SETD2: variants seen among roughly 807,000 people sequenced by gnomAD.
The protein encoded by SETD2 is SET domain containing 2, histone lysine methyltransferase.
A neutral mutation model predicts 242.1 loss-of-function variants in SETD2; 31 were observed. The observed-to-expected ratio is 0.13, with a 90% CI of 0.10 to 0.17. The LOEUF is 0.17. Ranked by LOEUF, SETD2 falls within the 10% of genes least tolerant of loss-of-function variation. The probability of loss-of-function intolerance (pLI) is 1.00; values close to 1 mark genes in which losing one functional copy is unlikely to be tolerated. For synonymous variants in SETD2, 1,006 were observed against 1,066.5 expected (o/e 0.94, Z 1.11); for missense variants, 2,481 against 3,046.3 (o/e 0.81, Z 4.37).
Position 47,123,691 on chromosome 3 carries a change from T to G in SETD2, c.945A>C (p.Glu315Asp). The G allele has an allele frequency of 1.3e-6, 2 of 1,551,442 alleles. No individual in the cohort carries two copies. Among genetic ancestry groups the G allele is most frequent in the Non-Finnish European group, 1.7e-6 (2 of 1,146,958 alleles). ...TGSKKKSSQS[E>D]GIFLGSESDE... is the part of the protein sequence containing the mutation. The stretch of plus-strand genomic sequence containing the variant: ...CAGATTCTGAACCAAGAAAGATGCC[T>G]TCAGATTGTGAGGATTTCTTCTTAG... The change falls in exon 3 of 21, where the codon GAA becomes GAC. Residue 315 changes from glutamate to aspartate, a missense_variant. Coordinates refer to ENST00000409792, the MANE Select transcript of SETD2 (RefSeq NM_014159.7).
At chr3:47,159,506 A>G (rs1470358208) in intron 1 of SETD2, among the ~76,000 whole-genome samples, 1 of 152,098 alleles carries the variant, frequency 6.6e-6, no homozygotes, top group Non-Finnish European at 1.5e-5. Context: ...TTATATTACC[A>G]TCTTGGTACT....
intron 17 of SETD2, among the ~76,000 whole-genome samples, chr3:47,039,143 G>C (rs1012717327): frequency 6.6e-6 from 1 of 151,994 alleles, no homozygotes; most frequent in African/African-American, 2.4e-5. Context: ...ATACATGTCT[G>C]TTCTTAGCTA....
chr3:47,104,710 G>A (rs1440777663), intron 6 of SETD2, among the ~76,000 whole-genome samples: 1 of 152,182 alleles, frequency 6.6e-6, no homozygotes, highest in African/African-American at 2.4e-5. Context: ...TAGGCTAACT[G>A]ATACTAAACA....
chr3:47,071,690 A>C (rs35647249), intron 12 of SETD2, among the ~76,000 whole-genome samples: 2 of 152,078 alleles, frequency 1.3e-5, no homozygotes, highest in African/African-American at 4.8e-5. Flanking sequence ...AAAAAAAAAA[A>C]CAAATAAAAG....
At chr3:47,037,626 T>C in intron 18 of SETD2, 40 bp downstream of exon 18, 1 of 1,503,270 alleles carries the variant, frequency 6.7e-7, no homozygotes, top group South Asian at 1.1e-5. Flanking sequence ...TTGGACGGAC[T>C]CCCAAATGAT....
chr3:47,017,017 C>T lies in SETD2; in HGVS notation c.*76G>A. 2 of 1,431,448 alleles carry T rather than the reference C, an allele frequency of 1.4e-6. No individual in the cohort carries two copies. The highest frequency in any genetic ancestry group is 2.0e-6 in the Non-Finnish European group (2 of 1,024,578). The allele number at this position is 1,431,448 out of a possible 1,614,324, so 88.7% of individuals were successfully genotyped here. Reference sequence around the variant, plus strand: ...TAGCACAGTGCTGACAGGGGTGGGACAGAAAGGCCCACAGGATTTCCTCTC... The same window carrying T: ...TAGCACAGTGCTGACAGGGGTGGGATAGAAAGGCCCACAGGATTTCCTCTC... On this transcript the variant is annotated 3_prime_UTR_variant, in exon 21 of 21. Transcript: ENST00000409792. This position sits in a 1 kb window ranked among gnomAD's most constrained non-coding sequence, Gnocchi z 4.8.
chr3:47,161,118 CT>C (rs1212959696), intron 1 of SETD2, among the ~76,000 whole-genome samples: 1 of 152,154 alleles, frequency 6.6e-6, no homozygotes, highest in African/African-American at 2.4e-5. Flanking sequence ...CATTTCTCCC[CT>C]GAGCCATGTT....
chr3:47,131,931 C>T (rs988669058), intron 1 of SETD2, among the ~76,000 whole-genome samples: 6 of 151,776 alleles, frequency 4.0e-5, no homozygotes, highest in African/African-American at 1.5e-4. Flanking sequence ...GCGCGAGCCA[C>T]CGTGCCCAGC....
At chr3:47,040,404 C>A (rs1247266909) in intron 17 of SETD2, among the ~76,000 whole-genome samples, 2 of 152,056 alleles carry the variant, frequency 1.3e-5, no homozygotes, top group African/African-American at 4.8e-5. Flanking sequence ...AAATCTAACA[C>A]TGGACAGAAA....
rs2038002869 is a variant in SETD2, at chr3:47,016,845, G to A, written c.*248C>T. The A allele has an allele frequency of 2.1e-6, 1 of 480,866 alleles. No homozygotes were observed. The highest frequency in any genetic ancestry group is 3.7e-6 in the Non-Finnish European group (1 of 268,292). 29.8% of individuals were successfully genotyped at this position (480,866 alleles called of 1,614,324 possible). ...TAAGAGTGGAGTCAGGTCTGGCCAG[G>A]GTCTTTTCTAAGCCCTTGCACCTCT... is the stretch of plus-strand genomic sequence containing the variant. On this transcript the variant is annotated 3_prime_UTR_variant, in exon 21 of 21. Coordinates refer to ENST00000409792, the MANE Select transcript of SETD2 (RefSeq NM_014159.7).
Position 47,112,342 on chromosome 3 carries a change from C to T in SETD2, c.4715+1534G>A, listed in dbSNP as rs148762334. On this transcript the variant is annotated intron_variant, in intron 5 of 20. Coordinates refer to ENST00000409792, the MANE Select transcript of SETD2 (RefSeq NM_014159.7). ...TGTCACCCAGGATGGAGTACAATGG[C>T]GCAATCTCGGCTCACTGCAACCTTC... 1.9e-3 allele frequency among the ~76,000 whole-genome samples: 286 copies of T among 152,176 alleles called. 2 individuals carry two copies. Among genetic ancestry groups the T allele is most frequent in the African/African-American group, 6.6e-3 (273 of 41,524 alleles).
intron 15 of SETD2, among the ~76,000 whole-genome samples, chr3:47,053,510 CCT>C (rs1019313084): frequency 1.3e-5 from 2 of 152,078 alleles, no homozygotes; most frequent in African/African-American, 4.8e-5. Context: ...AATTACGTGA[CCT>C]CTGTTAAAAT....
At chr3:47,022,855 C>A (rs2038293045) in intron 18 of SETD2, among the ~76,000 whole-genome samples, 1 of 152,222 alleles carries the variant, frequency 6.6e-6, no homozygotes, top group Middle Eastern at 3.2e-3. Flanking sequence ...CTTTATATTA[C>A]CCAAGGTGAA....
At chr3:47,148,752 A>G (rs1453609107) in intron 1 of SETD2, among the ~76,000 whole-genome samples, 1 of 152,222 alleles carries the variant, frequency 6.6e-6, no homozygotes, top group Non-Finnish European at 1.5e-5. Flanking sequence ...CGACTTACAT[A>G]CAAGTTTCTT....
At position 47,121,860 on chromosome 3, in the gene SETD2, T is replaced by C. The variant is rs1167396235; in HGVS notation, c.2776A>G (p.Lys926Glu). ...CTACCTACTTCTACTATTGTTTCTT[T>C]CCCTGCATGCTTTAAAAACTCTGAA... ...KSSEFLKHAG[K>E]ETIVEVGSDL... The change falls in exon 3 of 21, where the codon AAA becomes GAA. Residue 926 changes from lysine (K) to glutamate (E), a missense_variant. Physicochemically the swap from Lys to Glu is moderately conservative, Grantham distance 56 (BLOSUM62 1). This residue lies in a region of SETD2 where 1,300 missense variants were observed against 1,259.2 expected (regional missense o/e 1.03). Transcript: ENST00000409792. 1 of 1,614,060 alleles carries C rather than the reference T, an allele frequency of 6.2e-7. No individual in the cohort carries two copies. Among genetic ancestry groups the C allele is most frequent in the Admixed American group, 1.7e-5 (1 of 60,012 alleles).
At chr3:47,027,345 A>AG (rs2038534962) in intron 18 of SETD2, among the ~76,000 whole-genome samples, 1 of 43,350 alleles carries the variant, frequency 2.3e-5, no homozygotes, top group African/African-American at 4.5e-5. Flanking sequence ...TCAAAAAAAA[A>AG]AAAAAAAAAA....
At position 47,084,058 on chromosome 3, in the gene SETD2, C is replaced by G; in HGVS notation, c.5722G>C (p.Asp1908His). ...SELEGKDGKE[D>H]LDQLENVPVE... Reference sequence around the variant, plus strand: ...GGGACATTTTCTAATTGATCAAGATCCTCTTTGCCATCCTTGCCTTCTAGC... The same window carrying G: ...GGGACATTTTCTAATTGATCAAGATGCTCTTTGCCATCCTTGCCTTCTAGC... The change falls in exon 12 of 21, where the codon GAT becomes CAT. Residue 1908 changes from aspartate to histidine, a missense_variant. Transcript: ENST00000409792. 6.2e-7 allele frequency: 1 copy of G among 1,614,148 alleles called. No homozygotes were observed.
chr3:47,088,688 ATATGT>A (rs1476185479), intron 9 of SETD2, among the ~76,000 whole-genome samples: 2 of 152,160 alleles, frequency 1.3e-5, no homozygotes, highest in African/African-American at 4.8e-5. Flanking sequence ...TATATAATTT[ATATGT>A]TATAATATAT....
intron 1 of SETD2, among the ~76,000 whole-genome samples, chr3:47,144,034 T>G (rs138109241): frequency 6.6e-6 from 1 of 151,844 alleles, no homozygotes; most frequent in Non-Finnish European, 1.5e-5. Flanking sequence ...CTTAAGAAAA[T>G]GCAGTTGTCC....
Sources: gnomAD v4.1 joint callset for allele counts (sites outside exome capture counted in the v4.1 genomes callset) on GRCh38, gnomAD v4.1.1 for gene constraint, gnomAD v4.1.1 regional missense constraint, Gnocchi (gnomAD v3.1) non-coding constraint, MANE v1.5 for transcripts, NCBI Gene and HGNC (gene_info 2026-07-23, HGNC 2026-07-21) for gene names.